DCTN6: variants seen among roughly 807,000 people sequenced by gnomAD.
DCTN6 encodes the protein dynactin 6.
In DCTN6, 15 loss-of-function variants were observed where a neutral mutation model predicts 25.8. The observed-to-expected ratio is 0.58, with a 90% confidence interval of 0.39 to 0.89. DCTN6 has a LOEUF of 0.89. DCTN6 is among the 40% of genes least tolerant of loss of function. The pLI, the probability that DCTN6 is intolerant of heterozygous loss-of-function variation, is 0.00. For missense variants in DCTN6, 198 were observed against 237.6 expected, an observed-to-expected ratio of 0.83 and a Z score of 1.09; for synonymous variants, 64 against 78.3, an observed-to-expected ratio of 0.82 and a Z score of 0.96.
rs187078298 is a variant in DCTN6 at position 30,179,352 on chromosome 8, T to A, written c.284-56T>A. On this transcript the variant is annotated intron_variant, in intron 4 of 6. Transcript: ENST00000221114. ...CAGTGCAATGTAAGTACATACTGTG[T>A]TAGTGGGGACTAAAGATGAACATAT... 4 of 1,450,052 alleles carry A rather than the reference T, an allele frequency of 2.8e-6. No homozygotes were observed. In the East Asian group the frequency reaches 9.1e-5, roughly 33 times the overall value. 89.8% of individuals were successfully genotyped at this position (1,450,052 alleles called of 1,614,324 possible).
chr8:30,162,150 C>T (rs1275947809), intron 1 of DCTN6, among the ~76,000 whole-genome samples: 7 of 151,844 alleles, frequency 4.6e-5, no homozygotes, highest in African/African-American at 1.7e-4. Flanking sequence ...AGTGCAGTGG[C>T]GCTACCTCGG....
intron 2 of DCTN6, among the ~76,000 whole-genome samples, chr8:30,166,908 A>T (rs1232147477): frequency 6.6e-6 from 1 of 151,910 alleles, no homozygotes; most frequent in African/African-American, 2.4e-5. Flanking sequence ...ACGAGTGTGG[A>T]AAATATAGTG....
intron 1 of DCTN6, among the ~76,000 whole-genome samples, chr8:30,156,871 GGGT>G (rs748677489): frequency 6.6e-6 from 1 of 152,230 alleles, no homozygotes; most frequent in Non-Finnish European, 1.5e-5. Flanking sequence ...TGTCTCTGGA[GGGT>G]GGGGTGTGTA....
intron 2 of DCTN6, among the ~76,000 whole-genome samples, chr8:30,168,929 C>T (rs1424151285): frequency 6.6e-6 from 1 of 152,216 alleles, no homozygotes. Context: ...ATTCATGGCC[C>T]ATGAATTATT....
intron 1 of DCTN6, among the ~76,000 whole-genome samples, chr8:30,159,389 G>C (rs1717510814): frequency 6.6e-6 from 1 of 151,906 alleles, no homozygotes; most frequent in Admixed American, 6.6e-5. Context: ...AGGGAAGTTG[G>C]TACAATCTTA....
In DCTN6 at chr8:30,180,485, C is replaced by T; in HGVS notation, c.332-3C>T. ...TGCAGTTCTTTCTGTGTTTTTATTG[C>T]AGCATATGTAGGCAGAAATGTAATA... On this transcript the variant is annotated splice_region_variant and splice_polypyrimidine_tract_variant and intron_variant, in intron 5 of 6. Transcript: ENST00000221114. 4 of 1,607,828 alleles carry T rather than the reference C, an allele frequency of 2.5e-6. No individual in the cohort carries two copies. The highest frequency in any genetic ancestry group is 3.4e-6 in the Non-Finnish European group (4 of 1,176,582).
At chr8:30,156,551 T>C in intron 1 of DCTN6, 145 bp downstream of exon 1, 1 of 928,258 alleles carries the variant, frequency 1.1e-6, no homozygotes, top group Admixed American at 2.2e-5. Context: ...TGGCGTCCAC[T>C]GAGGGAGGGG....
At chr8:30,156,554 GGGAGGGGGCGAC>G in intron 1 of DCTN6, 148 bp downstream of exon 1, 1 of 940,278 alleles carries the variant, frequency 1.1e-6, no homozygotes. Flanking sequence ...CGTCCACTGA[GGGAGGGGGCGAC>G]GGAGTGGGGG....
intron 5 of DCTN6, 137 bp from the exon 6 acceptor site, chr8:30,180,351 A>G (rs1803895057): frequency 1.8e-6 from 2 of 1,095,006 alleles, no homozygotes; most frequent in Non-Finnish European, 2.6e-6. Flanking sequence ...TGTCCATACA[A>G]ACTCCAAACT....
At chr8:30,182,971 C>T in intron 6 of DCTN6, 104 bp from the exon 7 acceptor site, 2 of 873,426 alleles carry the variant, frequency 2.3e-6, no homozygotes, top group Non-Finnish European at 3.7e-6. Context: ...GTCTGGGCCT[C>T]CCAAAGTGCT....
intron 1 of DCTN6, among the ~76,000 whole-genome samples, chr8:30,163,408 C>T (rs897914732): frequency 6.6e-6 from 1 of 152,180 alleles, no homozygotes; most frequent in African/African-American, 2.4e-5. Flanking sequence ...AGGTGTGAGC[C>T]ACTGTGCTCA....
At chr8:30,171,168 A>G (rs1039111151) in intron 2 of DCTN6, among the ~76,000 whole-genome samples, 46 of 152,102 alleles carry the variant, frequency 3.0e-4, no homozygotes, top group African/African-American at 1.1e-3. Context: ...GACCGGCAGA[A>G]TATCTAGTGT....
intron 2 of DCTN6, among the ~76,000 whole-genome samples, chr8:30,173,829 C>A (rs772305572): frequency 6.6e-6 from 1 of 151,760 alleles, no homozygotes; most frequent in East Asian, 2.0e-4. Context: ...GTCCACCCTC[C>A]CTTACTTTCA....
intron 6 of DCTN6, among the ~76,000 whole-genome samples, chr8:30,182,662 CA>C: frequency 6.7e-6 from 1 of 149,852 alleles, no homozygotes; most frequent in Non-Finnish European, 1.5e-5. Flanking sequence ...TGTAATTCCA[CA>C]ACTTATTAAT....
At chr8:30,177,800 T>C (rs1212495780) in intron 4 of DCTN6, among the ~76,000 whole-genome samples, 1 of 152,228 alleles carries the variant, frequency 6.6e-6, no homozygotes, top group African/African-American at 2.4e-5. Context: ...ATTTTAAAAA[T>C]GGTCCCTTCT....
intron 6 of DCTN6, among the ~76,000 whole-genome samples, chr8:30,181,967 C>G (rs1282906282): frequency 4.0e-5 from 6 of 151,594 alleles, no homozygotes; most frequent in Admixed American, 3.3e-4. Context: ...TTGGGTTACT[C>G]TATTTCTGTA....
At chr8:30,158,599 A>T (rs1262121203) in intron 1 of DCTN6, among the ~76,000 whole-genome samples, 1 of 151,818 alleles carries the variant, frequency 6.6e-6, no homozygotes, top group Non-Finnish European at 1.5e-5. Context: ...CTTCTATAAT[A>T]TGAGAGGGTT....
intron 1 of DCTN6, among the ~76,000 whole-genome samples, chr8:30,161,156 T>G (rs1437695368): frequency 6.6e-6 from 1 of 152,094 alleles, no homozygotes; most frequent in Non-Finnish European, 1.5e-5. Context: ...AAATGGTAGT[T>G]TTTCCTGCGC....
intron 1 of DCTN6, among the ~76,000 whole-genome samples, chr8:30,163,829 A>G (rs1248230666): frequency 6.6e-6 from 1 of 151,716 alleles, no homozygotes; most frequent in Non-Finnish European, 1.5e-5. Context: ...CAGCCTCCCA[A>G]GTAGCTGGGA....
Sources: gnomAD v4.1 joint callset for allele counts (sites outside exome capture counted in the v4.1 genomes callset) on GRCh38, gnomAD v4.1.1 for gene constraint, MANE v1.5 for transcripts, NCBI Gene and HGNC (gene_info 2026-07-23, HGNC 2026-07-21) for gene names.